The following KDM1B variants were observed in gnomAD, a reference collection of about 807,000 sequenced individuals.
The protein encoded by KDM1B is lysine demethylase 1B.
In KDM1B, 63 loss-of-function variants were observed where a neutral mutation model predicts 107.4. The ratio of observed to expected loss-of-function variants is 0.59; its 90% confidence interval spans 0.48 to 0.72. The LOEUF is 0.72. Among genes scored for constraint, KDM1B ranks in the 30% least tolerant of loss-of-function variants. The pLI, the probability that KDM1B is intolerant of heterozygous loss-of-function variation, is 0.00. For synonymous variants in KDM1B, 363 were observed against 363.9 expected (o/e 1.00, Z 0.03); for missense variants, 749 against 1,020.8 (o/e 0.73, Z 3.63).
At chr6:18,178,026 A>G (rs1786145259) in intron 7 of KDM1B, among the ~76,000 whole-genome samples, 1 of 151,996 alleles carries the variant, frequency 6.6e-6, no homozygotes, top group Admixed American at 6.6e-5. Context: ...GCCTTTGTTC[A>G]ATTTATTTCT....
rs953242727 is a variant in KDM1B at position 18,200,109 on chromosome 6, T to C, written c.1222-330T>C. Among the ~76,000 whole-genome samples, 6 of 152,186 alleles carry C rather than the reference T, an allele frequency of 3.9e-5. No homozygotes were observed. The highest frequency in any genetic ancestry group is 1.2e-4 in the African/African-American group (5 of 41,458). On this transcript the variant is annotated intron_variant, in intron 12 of 21. Transcript: ENST00000650836. The surrounding 1 kb of genome is among the most constrained non-coding windows in gnomAD (Gnocchi z 4.3). Reference sequence around the variant, plus strand: ...AACTGGTCACAAACTCTTGGCCTCATGTGATCCTCCTGCCTCGGCCTCCCA... The same window carrying C: ...AACTGGTCACAAACTCTTGGCCTCACGTGATCCTCCTGCCTCGGCCTCCCA...
intron 7 of KDM1B, among the ~76,000 whole-genome samples, chr6:18,182,731 A>G (rs1210458337): frequency 2.0e-5 from 3 of 151,766 alleles, no homozygotes; most frequent in Admixed American, 6.6e-5. Context: ...GGGTCTTGCT[A>G]TGTTGCCCAG....
At chr6:18,168,946 G>A (rs547728867) in intron 6 of KDM1B, among the ~76,000 whole-genome samples, 16 of 151,148 alleles carry the variant, frequency 1.1e-4, no homozygotes, top group East Asian at 7.9e-4. Context: ...ATCTTGGCTC[G>A]CTGCAACCTC....
Position 18,215,933 on chromosome 6 carries a change from C to A in KDM1B, c.2232+804C>A, listed in dbSNP as rs143175791. Among the ~76,000 whole-genome samples, 88 of 152,144 alleles carry A rather than the reference C, an allele frequency of 5.8e-4. No homozygotes were observed. The East Asian group carries it at 0.011, about 19-fold the overall frequency. ...TCAGGATACTTTGTTTGCCAGTGTACTAAATCTCACCATCTCTGGAGATTT... is the reference window on the plus strand; with the variant it reads ...TCAGGATACTTTGTTTGCCAGTGTAATAAATCTCACCATCTCTGGAGATTT... On this transcript the variant is annotated intron_variant, in intron 20 of 21. Transcript: ENST00000650836.
intron 21 of KDM1B, 49 bp downstream of exon 21, chr6:18,217,934 T>C (rs747138281): frequency 9.0e-5 from 143 of 1,581,532 alleles, no homozygotes; most frequent in Non-Finnish European, 1.1e-4. Context: ...GATTTCTGTC[T>C]TTCATCTAAA....
At chr6:18,199,152 C>G (rs192071095) in intron 12 of KDM1B, among the ~76,000 whole-genome samples, 65 of 151,346 alleles carry the variant, frequency 4.3e-4, no homozygotes, top group Non-Finnish European at 7.8e-4. Flanking sequence ...GAGCCGAGAT[C>G]TAGCCACCGC....
rs1272551368 is a variant in KDM1B at position 18,213,548 on chromosome 6, T to TCGGG, written c.1984-106_1984-103dup. The TCGGG allele has an allele frequency of 1.1e-5, 12 of 1,108,146 alleles. No individual in the cohort carries two copies. The East Asian group carries it at 2.9e-4, about 27-fold the overall frequency. The allele number at this position is 1,108,146 out of a possible 1,614,324, so 68.6% of individuals were successfully genotyped here. A position where few individuals can be genotyped will look rare whatever the true frequency, so the allele number is the denominator to read the frequency against. On this transcript the variant is annotated intron_variant, in intron 18 of 21. Coordinates refer to ENST00000650836, the MANE Select transcript of KDM1B (RefSeq NM_001364614.2). This position sits in a 1 kb window ranked among gnomAD's most constrained non-coding sequence, Gnocchi z 5.9. ...AAGAGCGGTATTTGGGGTTGTTCTT[T>TCGGG]CGGGCAGTGTCTTTGTTTTAGAGTA...
At chr6:18,189,234 TTTG>T (rs199648034) in intron 9 of KDM1B, among the ~76,000 whole-genome samples, 1 of 152,158 alleles carries the variant, frequency 6.6e-6, no homozygotes, top group African/African-American at 2.4e-5. Flanking sequence ...ATCTTAAGGT[TTTG>T]TTGTTGTTGT....
At position 18,158,332 on chromosome 6, in the gene KDM1B, A is replaced by T. The variant is rs551155433; in HGVS notation, c.-13-1551A>T. Reference sequence around the variant, plus strand: ...GAGTGAGACTCCTTCACAAAAAAAAAAAAAAAAAAAAAAGTCAAAGGAAAA... The same window carrying T: ...GAGTGAGACTCCTTCACAAAAAAAATAAAAAAAAAAAAAGTCAAAGGAAAA... On this transcript the variant is annotated intron_variant, in intron 2 of 21. Coordinates refer to ENST00000650836, the MANE Select transcript of KDM1B (RefSeq NM_001364614.2). 5.3e-3 allele frequency among the ~76,000 whole-genome samples: 806 copies of T among 151,938 alleles called. 6 individuals are homozygous for T. Among genetic ancestry groups the T allele is most frequent in the Admixed American group, 7.5e-3 (114 of 15,256 alleles).
intron 9 of KDM1B, among the ~76,000 whole-genome samples, 173 bp downstream of exon 9, chr6:18,188,175 A>G (rs1356268053): frequency 1.3e-5 from 2 of 152,170 alleles, no homozygotes; most frequent in Admixed American, 6.5e-5. Flanking sequence ...CCTTGAGGCC[A>G]GGAGTTTGAG....
intron 17 of KDM1B, among the ~76,000 whole-genome samples, chr6:18,208,799 C>T (rs1201738552): frequency 7.0e-6 from 1 of 143,190 alleles, no homozygotes; most frequent in Non-Finnish European, 1.5e-5. Flanking sequence ...CACCCGCCAT[C>T]ACGCCTGGCT....
rs747197543 is a variant in KDM1B at position 18,214,980 on chromosome 6, C to G, written c.2110-27C>G. On this transcript the variant is annotated intron_variant, in intron 19 of 21. Coordinates refer to ENST00000650836, the MANE Select transcript of KDM1B (RefSeq NM_001364614.2). The surrounding 1 kb of genome is among the most constrained non-coding windows in gnomAD (Gnocchi z 4.4). ...CTGTGGGAGCTGAGCACTCACAGAC[C>G]TCCTGCTTTTCCTTTCATGTCTCCA... The G allele has an allele frequency of 3.1e-6, 5 of 1,611,882 alleles. No homozygotes were observed. The African/African-American group carries it at 5.3e-5, about 17-fold the overall frequency.
intron 10 of KDM1B, among the ~76,000 whole-genome samples, chr6:18,195,332 T>A (rs1201692869): frequency 6.6e-6 from 1 of 152,212 alleles, no homozygotes; most frequent in Non-Finnish European, 1.5e-5. Flanking sequence ...GTTTAACCTT[T>A]TGAGGAACCA....
In KDM1B at chr6:18,172,031, A is replaced by G. The variant is rs1785696479; in HGVS notation, c.534+552A>G. On this transcript the variant is annotated intron_variant, in intron 7 of 21. Transcript: ENST00000650836. The surrounding 1 kb of genome is among the most constrained non-coding windows in gnomAD (Gnocchi z 5.2). ...GTTTCGTTTTTATATAATGATGTTGACACCATAAATGCAGCTTCCCTAACT... is the reference window on the plus strand; with the variant it reads ...GTTTCGTTTTTATATAATGATGTTGGCACCATAAATGCAGCTTCCCTAACT... Among the ~76,000 whole-genome samples the G allele has an allele frequency of 6.6e-6, 1 of 152,198 alleles. No homozygotes were observed. The highest frequency in any genetic ancestry group is 2.4e-5 in the African/African-American group (1 of 41,426).
At chr6:18,199,028 A>AG (rs550398184) in intron 12 of KDM1B, among the ~76,000 whole-genome samples, 14,346 of 136,594 alleles carry the variant, frequency 0.11, 1,021 homozygotes, top group African/African-American at 0.2. Flanking sequence ...AAAAAAAAAA[A>AG]AAAAAGAAAA....
chr6:18,219,253 C>T (rs1451761477), intron 21 of KDM1B, among the ~76,000 whole-genome samples: 5 of 152,220 alleles, frequency 3.3e-5, no homozygotes, highest in Admixed American at 6.5e-5. Context: ...TTCTAAGATC[C>T]GTCTCTTTCT....
chr6:18,220,666 C>T (rs1262800104), intron 21 of KDM1B, among the ~76,000 whole-genome samples: 1 of 152,220 alleles, frequency 6.6e-6, no homozygotes, highest in East Asian at 1.9e-4. Flanking sequence ...ATGTCAGCAG[C>T]TTCGGAGAGA....
rs772245707 is a variant in KDM1B at position 18,161,420 on chromosome 6, A to T, written c.181A>T (p.Thr61Ser). 6.2e-7 allele frequency: 1 copy of T among 1,614,112 alleles called. No homozygotes were observed. Among genetic ancestry groups the T allele is most frequent in the Admixed American group, 1.7e-5 (1 of 60,008 alleles). The change falls in exon 4 of 22, where the codon ACA becomes TCA. Residue 61 changes from threonine (T) to serine (S), a missense_variant. Transcript: ENST00000650836. ...ATGTGAAAAGGCAGGCTGTACGGCA[A>T]CATGTCCTGTGTGCTTTGCAAGTGC... Reference protein sequence around the residue: ...RKCEKAGCTATCPVCFASASE... With the variant: ...RKCEKAGCTASCPVCFASASE...
intron 7 of KDM1B, among the ~76,000 whole-genome samples, chr6:18,179,325 G>C (rs1180644272): frequency 6.6e-6 from 1 of 152,138 alleles, no homozygotes; most frequent in Admixed American, 6.5e-5. Flanking sequence ...TTTTGCATCT[G>C]TGTTTGTCTT....
Sources: gnomAD v4.1 joint callset for allele counts (sites outside exome capture counted in the v4.1 genomes callset) on GRCh38, gnomAD v4.1.1 for gene constraint, Gnocchi (gnomAD v3.1) non-coding constraint, MANE v1.5 for transcripts, NCBI Gene and HGNC (gene_info 2026-07-23, HGNC 2026-07-21) for gene names.